ATP11C: variants seen among roughly 807,000 people sequenced by gnomAD.
ATP11C encodes the protein ATPase phospholipid transporting 11C (ATP11C blood group).
Under a neutral mutation model 97.4 loss-of-function variants are expected in ATP11C, and 36 were observed. The observed-to-expected ratio is 0.37, with a 90% CI of 0.28 to 0.49. ATP11C has a LOEUF of 0.49. Ranked by LOEUF, ATP11C falls within the 20% of genes least tolerant of loss-of-function variation. ATP11C has a pLI of 0.98. For missense variants in ATP11C, 730 were observed against 824.6 expected (o/e 0.89, Z 1.40); for synonymous variants, 275 against 290.9 (o/e 0.95, Z 0.56).
chrX:139,785,095 A>C lies in ATP11C; in HGVS notation c.1666+131T>G, dbSNP rs2082545908. The C allele has an allele frequency of 8.7e-6, 4 of 460,427 alleles. No homozygotes were observed. The Admixed American group carries it at 1.7e-4, about 19-fold the overall frequency. 37.9% of individuals were successfully genotyped at this position (460,427 alleles called of 1,213,427 possible). A position where few individuals can be genotyped will look rare whatever the true frequency, so the allele number is the denominator to read the frequency against. ...AAAAATACATGAAAGCATATGCAAA[A>C]GCTACTGCTTTGCATGACTTTCACT... is the stretch of plus-strand genomic sequence containing the variant. On this transcript the variant is annotated intron_variant, in intron 16 of 29. Coordinates refer to ENST00000682941, the MANE Select transcript of ATP11C (RefSeq NM_001353812.2).
At position 139,869,265 on chromosome X, in the gene ATP11C, G is replaced by A. The variant is rs189390953; in HGVS notation, c.28-42442C>T. ...TGGATAAAGAAAACGTGGTATATTC[G>A]TATCTGATTGAATTGGAACCTGTCT... On this transcript the variant is annotated intron_variant, in intron 1 of 29. Transcript: ENST00000682941. 4.5e-5 allele frequency among the ~76,000 whole-genome samples: 5 copies of A among 111,779 alleles called. 1 individual carries two copies. The South Asian group carries it at 1.1e-3, about 25-fold the overall frequency.
At chrX:139,933,416 A>G (rs945385554), upstream of ATP11C, among the ~76,000 whole-genome samples, 12 of 111,562 alleles carry the variant, frequency 1.1e-4, no homozygotes, top group Non-Finnish European at 2.3e-4. Flanking sequence ...GCATCAGGAA[A>G]CCCTCTACAC....
Position 139,788,321 on chromosome X carries a change from C to A in ATP11C, c.1391G>T (p.Arg464Leu), listed in dbSNP as rs765107168. ...VDKNREELFL[R>L]ALCLCHTVEI... ...TACAGTATGACATAAACACAAGGCA[C>A]GTAGAAACAGCTCTTCTCGATTCTG... The change falls in exon 14 of 30, where the codon CGT becomes CTT. Residue 464 changes from arginine to leucine, a missense_variant. Transcript: ENST00000682941. 2 of 1,204,499 alleles carry A rather than the reference C, an allele frequency of 1.7e-6. No homozygotes were observed.
intron 5 of ATP11C, among the ~76,000 whole-genome samples, chrX:139,813,531 G>A (rs1339852104): frequency 2.7e-5 from 3 of 112,165 alleles, no homozygotes; most frequent in Non-Finnish European, 5.6e-5. Context: ...ATGCCCTTCA[G>A]TAGGTGAATG....
intron 2 of ATP11C, among the ~76,000 whole-genome samples, chrX:139,823,515 G>A (rs2083458036): frequency 8.9e-6 from 1 of 112,057 alleles, no homozygotes; most frequent in Admixed American, 9.4e-5. Flanking sequence ...CCAGTTCTGT[G>A]TTACCCAAGA....
upstream of ATP11C, among the ~76,000 whole-genome samples, chrX:139,935,162 TA>T (rs1171251736): frequency 8.0e-5 from 9 of 112,660 alleles, no homozygotes; most frequent in African/African-American, 1.3e-4. Flanking sequence ...AGATCAACTT[TA>T]AAAAATATTA....
At chrX:139,730,601 G>A in intron 29 of ATP11C, among the ~76,000 whole-genome samples, 1 of 110,999 alleles carries the variant, frequency 9.0e-6, no homozygotes, top group East Asian at 2.8e-4. Context: ...AGAGTTGACA[G>A]CTGTTGAAAA....
At chrX:139,878,308 G>C (rs746619158) in intron 1 of ATP11C, among the ~76,000 whole-genome samples, 16 of 111,881 alleles carry the variant, frequency 1.4e-4, no homozygotes, top group African/African-American at 4.9e-4. Flanking sequence ...ATGGTGTGCA[G>C]GTAGCCAGAA....
At chrX:139,931,818 G>A (rs1035540958) in intron 1 of ATP11C, among the ~76,000 whole-genome samples, 198 bp downstream of exon 1, 17 of 110,714 alleles carry the variant, frequency 1.5e-4, no homozygotes, top group Non-Finnish European at 2.7e-4. Context: ...TGGGGGCGAG[G>A]GTGGGATACC....
chrX:139,734,414 G>T (rs1379290300), intron 28 of ATP11C, among the ~76,000 whole-genome samples: 4 of 111,175 alleles, frequency 3.6e-5, no homozygotes, highest in African/African-American at 1.3e-4. Flanking sequence ...TTAAATTATA[G>T]TCTTCCTTTG....
intron 23 of ATP11C, among the ~76,000 whole-genome samples, chrX:139,753,838 AAAG>A (rs1029312017): frequency 4.2e-4 from 47 of 110,893 alleles, no homozygotes; most frequent in African/African-American, 1.5e-3. Context: ...AAAGGGAAGA[AAAG>A]AAGAAGAAAA....
intron 1 of ATP11C, among the ~76,000 whole-genome samples, chrX:139,890,393 A>G (rs2084709376): frequency 9.0e-6 from 1 of 111,122 alleles, no homozygotes. Flanking sequence ...AAAGCCAGGC[A>G]TGGTGGAACA....
intron 5 of ATP11C, among the ~76,000 whole-genome samples, chrX:139,810,890 G>C (rs1315611397): frequency 1.0e-5 from 1 of 98,602 alleles, no homozygotes; most frequent in Admixed American, 1.1e-4. Flanking sequence ...TTTTTCAGAC[G>C]CACTCACTGG....
At chrX:139,813,927 A>G (rs749217536) in intron 5 of ATP11C, among the ~76,000 whole-genome samples, 1 of 111,090 alleles carries the variant, frequency 9.0e-6, no homozygotes, top group Admixed American at 9.6e-5. Flanking sequence ...CCCCTAATAT[A>G]ATCTATGGAC....
chrX:139,768,974 A>G (rs2082193344), intron 19 of ATP11C, among the ~76,000 whole-genome samples: 1 of 106,970 alleles, frequency 9.3e-6, no homozygotes, highest in Admixed American at 1.0e-4. Flanking sequence ...GCCCTTCCTA[A>G]GAGCCTATCC....
chrX:139,798,019 T>C (rs1468176677), intron 10 of ATP11C, among the ~76,000 whole-genome samples: 1 of 112,019 alleles, frequency 8.9e-6, no homozygotes, highest in Non-Finnish European at 1.9e-5. Context: ...GTAAGTCACA[T>C]ACCATCTCCA....
intron 2 of ATP11C, among the ~76,000 whole-genome samples, chrX:139,824,163 A>G (rs2083473731): frequency 9.1e-6 from 1 of 109,625 alleles, no homozygotes; most frequent in African/African-American, 3.3e-5. Flanking sequence ...TTTTAAAAAA[A>G]ACCTTTAAAA....
At chrX:139,869,483 T>C (rs1359332535) in intron 1 of ATP11C, among the ~76,000 whole-genome samples, 3 of 110,312 alleles carry the variant, frequency 2.7e-5, no homozygotes, top group Admixed American at 9.7e-5. Flanking sequence ...TGTTTAGAAA[T>C]TGTTTAAAAT....
At chrX:139,811,171 A>G (rs1192106284) in intron 5 of ATP11C, among the ~76,000 whole-genome samples, 1 of 111,465 alleles carries the variant, frequency 9.0e-6, no homozygotes, top group African/African-American at 3.3e-5. Context: ...GACGCCAAAA[A>G]ATACTCCTTC....
Sources: allele counts gnomAD v4.1 joint callset (sites outside exome capture counted in the v4.1 genomes callset), GRCh38; gene constraint gnomAD v4.1.1; transcripts MANE v1.5; gene names NCBI Gene and HGNC (gene_info 2026-07-23, HGNC 2026-07-21).